Variants in UBE2D1 observed in about 807,000 individuals in gnomAD.
The protein encoded by UBE2D1 is ubiquitin conjugating enzyme E2 D1, also known as ubiquitin-conjugating enzyme E2 D1.
A neutral mutation model predicts 24.6 loss-of-function variants in UBE2D1; 9 were observed. The ratio of observed to expected loss-of-function variants is 0.37; its 90% CI spans 0.22 to 0.64. The LOEUF is 0.64. Among genes scored for constraint, UBE2D1 ranks in the 30% least tolerant of loss-of-function variants. The pLI is 0.64. For missense variants in UBE2D1, 87 were observed against 177.1 expected, an observed-to-expected ratio of 0.49 and a Z score of 2.89; for synonymous variants, 57 against 57.6, an observed-to-expected ratio of 0.99 and a Z score of 0.04.
rs1188571292 is a variant in UBE2D1 at position 58,369,584 on chromosome 10, G to T, written c.*819G>T. 1 of 152,244 alleles carries T rather than the reference G, an allele frequency of 6.6e-6. No homozygotes were observed. The highest frequency in any genetic ancestry group is 1.5e-5 in the Non-Finnish European group (1 of 67,756). The allele number at this position is 152,244 out of a possible 1,614,324, so 9.4% of individuals were successfully genotyped here. ...GTAGCTTTTTCCATATAAATAAAAT[G>T]CTTTTTCTACTATTTGTCTTGATTA... On this transcript the variant is annotated 3_prime_UTR_variant, in exon 7 of 7. Coordinates refer to ENST00000373910, the MANE Select transcript of UBE2D1 (RefSeq NM_003338.5).
At chr10:58,345,562 C>G (rs1840007152) in intron 1 of UBE2D1, among the ~76,000 whole-genome samples, 2 of 152,086 alleles carry the variant, frequency 1.3e-5, no homozygotes, top group Admixed American at 6.5e-5. Context: ...TGTAGAAAAA[C>G]AGGTATCACC....
intron 1 of UBE2D1, among the ~76,000 whole-genome samples, chr10:58,351,281 T>C (rs1226614741): frequency 2.0e-5 from 3 of 152,250 alleles, no homozygotes; most frequent in African/African-American, 7.2e-5. Flanking sequence ...AACTTTATTT[T>C]TTTAACTTTT....
chr10:58,339,872 AAG>A (rs1186684447), intron 1 of UBE2D1, among the ~76,000 whole-genome samples: 1 of 151,998 alleles, frequency 6.6e-6, no homozygotes, highest in Non-Finnish European at 1.5e-5. Context: ...TGCCTATCTG[AAG>A]AGAGAGTCAA....
chr10:58,341,394 G>C (rs540937286), intron 1 of UBE2D1, among the ~76,000 whole-genome samples: 1 of 152,178 alleles, frequency 6.6e-6, no homozygotes, highest in African/African-American at 2.4e-5. Flanking sequence ...GAGCGAGATA[G>C]TGTTCTTTCT....
At chr10:58,339,214 TC>T (rs914668644) in intron 1 of UBE2D1, among the ~76,000 whole-genome samples, 1 of 152,114 alleles carries the variant, frequency 6.6e-6, no homozygotes, top group African/African-American at 2.4e-5. Context: ...CAAGTGACCC[TC>T]CCACCTCAGC....
At chr10:58,340,939 C>T (rs1302078749) in intron 1 of UBE2D1, among the ~76,000 whole-genome samples, 2 of 152,132 alleles carry the variant, frequency 1.3e-5, no homozygotes, top group Non-Finnish European at 2.9e-5. Flanking sequence ...CTGGAATGTT[C>T]TATACAAATG....
At chr10:58,365,598 C>T (rs889764224) in intron 5 of UBE2D1, among the ~76,000 whole-genome samples, 9 of 152,170 alleles carry the variant, frequency 5.9e-5, no homozygotes, top group African/African-American at 1.7e-4. Context: ...CTGTTCTTTG[C>T]TGGATTATCA....
intron 1 of UBE2D1, among the ~76,000 whole-genome samples, chr10:58,349,431 C>A (rs908276044): frequency 2.0e-5 from 3 of 152,078 alleles, no homozygotes; most frequent in Non-Finnish European, 4.4e-5. Flanking sequence ...ATAGAATCAA[C>A]AATGCATTTC....
rs1840293095 is a variant in UBE2D1 at position 58,369,649 on chromosome 10, A to T, written c.*884A>T. 1 of 152,280 alleles carries T rather than the reference A, an allele frequency of 6.6e-6. No homozygotes were observed. 9.4% of individuals were successfully genotyped at this position (152,280 alleles called of 1,614,324 possible). ...AATATAAGTAAGGATCAAAACTCTA[A>T]AATTTTGCATGAAAATTACATCCAA... On this transcript the variant is annotated 3_prime_UTR_variant, in exon 7 of 7. Coordinates refer to ENST00000373910, the MANE Select transcript of UBE2D1 (RefSeq NM_003338.5).
At chr10:58,340,194 A>G (rs929771893) in intron 1 of UBE2D1, among the ~76,000 whole-genome samples, 7 of 152,242 alleles carry the variant, frequency 4.6e-5, no homozygotes, top group African/African-American at 1.7e-4. Context: ...TGAGATATTT[A>G]TAAACATTTT....
chr10:58,359,474 T>A (rs1482952903), intron 1 of UBE2D1, among the ~76,000 whole-genome samples: 2 of 152,180 alleles, frequency 1.3e-5, no homozygotes, highest in African/African-American at 4.8e-5. Context: ...ATTTTCCAAT[T>A]TCTATCCTTT....
chr10:58,340,329 C>T (rs4948291), intron 1 of UBE2D1, among the ~76,000 whole-genome samples: 42,213 of 152,022 alleles, frequency 0.28, 6,492 homozygotes, highest in Middle Eastern at 0.36. Context: ...CTTATTCTGT[C>T]TTTACATTCA....
intron 1 of UBE2D1, among the ~76,000 whole-genome samples, chr10:58,358,058 A>AT (rs756779402): frequency 2.6e-5 from 4 of 152,096 alleles, no homozygotes; most frequent in Non-Finnish European, 1.5e-5. Flanking sequence ...ATAATATTTT[A>AT]AAGGGTTTTG....
rs1398394318 is a variant in UBE2D1, at chr10:58,368,806, T to A, written c.*41T>A. ...TCATATATACCAGAGTACTGTAAAA[T>A]CTAGGTTTTTTTCAACATTAGCAGT... On this transcript the variant is annotated 3_prime_UTR_variant, in exon 7 of 7. Transcript: ENST00000373910. 1 of 1,441,152 alleles carries A rather than the reference T, an allele frequency of 6.9e-7. No individual in the cohort carries two copies. Among genetic ancestry groups the A allele is most frequent in the Non-Finnish European group, 9.4e-7 (1 of 1,060,204 alleles). 89.3% of individuals were successfully genotyped at this position (1,441,152 alleles called of 1,614,324 possible).
intron 1 of UBE2D1, among the ~76,000 whole-genome samples, chr10:58,339,128 C>T (rs185753234): frequency 1.8e-4 from 27 of 152,210 alleles, no homozygotes; most frequent in Admixed American, 1.8e-3. Flanking sequence ...TGTTTTTAGA[C>T]AGGGTCTCAC....
intron 1 of UBE2D1, 91 bp downstream of exon 1, chr10:58,335,316 G>C: frequency 7.3e-7 from 1 of 1,377,182 alleles, no homozygotes; most frequent in African/African-American, 1.5e-5. Flanking sequence ...TGCGGGGAGA[G>C]CAAGGGATGG....
At chr10:58,344,638 C>A (rs776246763) in intron 1 of UBE2D1, among the ~76,000 whole-genome samples, 2 of 152,006 alleles carry the variant, frequency 1.3e-5, no homozygotes, top group African/African-American at 4.8e-5. Context: ...TAAATGTTGA[C>A]ATCTCTTAAT....
At chr10:58,367,574 T>C (rs1321322722) in intron 5 of UBE2D1, among the ~76,000 whole-genome samples, 4 of 152,100 alleles carry the variant, frequency 2.6e-5, no homozygotes, top group African/African-American at 7.2e-5. Context: ...CCAAAATGGT[T>C]TGGACTGTTA....
chr10:58,342,823 G>GTTTTTTTTTT (rs925514688), intron 1 of UBE2D1, among the ~76,000 whole-genome samples: 2 of 138,762 alleles, frequency 1.4e-5, no homozygotes, highest in Non-Finnish European at 1.6e-5. Context: ...GTTTTTTTTG[G>GTTTTTTTTTT]TTTTTTTTTT....
Sources: allele counts gnomAD v4.1 joint callset (sites outside exome capture counted in the v4.1 genomes callset), GRCh38; gene constraint gnomAD v4.1.1; transcripts MANE v1.5; gene names NCBI Gene and HGNC (gene_info 2026-07-23, HGNC 2026-07-21).